RGPD2: variants seen among roughly 807,000 people sequenced by gnomAD.
The protein encoded by RGPD2 is RANBP2 like and GRIP domain containing 2, also known as RANBP2-like and GRIP domain-containing protein 2.
RGPD2 carries 2 observed loss-of-function variants against 36.0 expected under a neutral mutation model. The observed-to-expected ratio is 0.06, with a 90% CI of 0.02 to 0.17. RGPD2 has a LOEUF of 0.17. Ranked by LOEUF, RGPD2 falls within the 10% of genes least tolerant of loss-of-function variation. RGPD2 has a pLI of 1.00. For synonymous variants in RGPD2, 19 were observed against 163.8 expected (o/e 0.12, Z 6.75); for missense variants, 40 against 464.3 (o/e 0.09, Z 8.40).
At chr2:87,964,678 G>A in the RGPD2 span, among the ~76,000 whole-genome samples, 5 of 149,908 alleles carry the variant, frequency 3.3e-5, no homozygotes, top group African/African-American at 1.2e-4. Flanking sequence ...AGTAATGACT[G>A]AATGAAGTTA....
chr2:87,966,555 A>C, the RGPD2 span, among the ~76,000 whole-genome samples: 6 of 151,698 alleles, frequency 4.0e-5, no homozygotes, highest in African/African-American at 1.5e-4. Flanking sequence ...CTTTTGTGAC[A>C]AAAGCAGAAA....
the RGPD2 span, among the ~76,000 whole-genome samples, chr2:87,948,760 G>GT: frequency 8.7e-6 from 1 of 114,794 alleles, no homozygotes; most frequent in Non-Finnish European, 1.8e-5. Flanking sequence ...TGCTTGTTGG[G>GT]TATCTGCCCT....
At chr2:87,962,590 C>A in the RGPD2 span, among the ~76,000 whole-genome samples, 1 of 151,116 alleles carries the variant, frequency 6.6e-6, no homozygotes, top group East Asian at 2.0e-4. Flanking sequence ...TAGTTGATTT[C>A]TTTCACTTGA....
chr2:87,826,236 T>A (rs1440221795), upstream of RGPD2, among the ~76,000 whole-genome samples: 1 of 151,796 alleles, frequency 6.6e-6, no homozygotes, highest in Non-Finnish European at 1.5e-5. Context: ...CAAATGGAAA[T>A]CTGATTCTAA....
At chr2:87,824,772 G>C (rs1686581048) in intron 1 of RGPD2, among the ~76,000 whole-genome samples, 4 of 67,362 alleles carry the variant, frequency 5.9e-5, no homozygotes, top group African/African-American at 1.1e-4. Flanking sequence ...CCGCCGCCCG[G>C]CCAGGCCGAG....
At chr2:87,965,647 G>T in the RGPD2 span, among the ~76,000 whole-genome samples, 1 of 146,452 alleles carries the variant, frequency 6.8e-6, no homozygotes. Flanking sequence ...ACTTATATTT[G>T]CCTCATTAGA....
chr2:87,886,465 C>T, the RGPD2 span, among the ~76,000 whole-genome samples: 142 of 151,778 alleles, frequency 9.4e-4, no homozygotes, highest in African/African-American at 3.1e-3. Context: ...TGTGCACTTA[C>T]GTTAAGTGAC....
the RGPD2 span, among the ~76,000 whole-genome samples, chr2:87,971,805 AAAC>A: frequency 2.6e-5 from 4 of 152,186 alleles, no homozygotes; most frequent in African/African-American, 9.7e-5. Flanking sequence ...AAGAAAAACA[AAAC>A]AAATATAAAA....
the RGPD2 span, among the ~76,000 whole-genome samples, chr2:87,963,033 CTT>C: frequency 2.1e-5 from 3 of 141,638 alleles, no homozygotes; most frequent in Non-Finnish European, 3.1e-5. Flanking sequence ...ACCAGAATTG[CTT>C]GAACGTGGGA....
intron 4 of RGPD2, among the ~76,000 whole-genome samples, chr2:87,813,575 ACTAC>A (rs1686192608): frequency 8.5e-6 from 1 of 118,168 alleles, no homozygotes; most frequent in African/African-American, 3.2e-5. Flanking sequence ...GCCGTCCATT[ACTAC>A]TCTGTATTTC....
the RGPD2 span, among the ~76,000 whole-genome samples, chr2:87,929,087 C>T: frequency 6.6e-6 from 1 of 151,870 alleles, no homozygotes; most frequent in African/African-American, 2.4e-5. Flanking sequence ...GCTTTTGTTG[C>T]AATAGGTTTT....
chr2:87,822,596 TA>T (rs1377568281), intron 1 of RGPD2, among the ~76,000 whole-genome samples: 1 of 50,694 alleles, frequency 2.0e-5, no homozygotes. Flanking sequence ...CCATCTCTAC[TA>T]AAAATAGAAA....
chr2:87,830,987 C>T, the RGPD2 span, among the ~76,000 whole-genome samples: 10 of 152,210 alleles, frequency 6.6e-5, no homozygotes, highest in East Asian at 1.4e-3. Flanking sequence ...AACATAGTTG[C>T]GTTACCACAC....
chr2:87,842,681 G>T, the RGPD2 span, among the ~76,000 whole-genome samples: 1 of 150,986 alleles, frequency 6.6e-6, no homozygotes, highest in Non-Finnish European at 1.5e-5. Flanking sequence ...AGCTACCAAT[G>T]ACTTTCTTCA....
At chr2:87,948,473 C>T in the RGPD2 span, among the ~76,000 whole-genome samples, 1 of 151,354 alleles carries the variant, frequency 6.6e-6, no homozygotes, top group Non-Finnish European at 1.5e-5. Context: ...ACTCCGCCTC[C>T]TGGGTTCAAA....
chr2:87,857,009 T>C, the RGPD2 span, among the ~76,000 whole-genome samples: 1 of 152,226 alleles, frequency 6.6e-6, no homozygotes, highest in African/African-American at 2.4e-5. Context: ...TCTTTTTGCT[T>C]GTCATTATCC....
the RGPD2 span, among the ~76,000 whole-genome samples, chr2:87,973,661 C>T: frequency 7.8e-6 from 1 of 127,944 alleles, no homozygotes; most frequent in South Asian, 2.7e-4. Flanking sequence ...TACACAGGAG[C>T]CTTTGATCTC....
At chr2:87,963,773 C>T in the RGPD2 span, among the ~76,000 whole-genome samples, 2 of 125,044 alleles carry the variant, frequency 1.6e-5, no homozygotes, top group African/African-American at 6.8e-5. Flanking sequence ...ATCATTAATT[C>T]ATTTATGCTG....
the RGPD2 span, among the ~76,000 whole-genome samples, chr2:87,861,457 A>G: frequency 6.6e-6 from 1 of 151,960 alleles, no homozygotes; most frequent in African/African-American, 2.4e-5. Context: ...TGAACCACCA[A>G]TTTTGTATTT....
Sources: gnomAD v4.1 joint callset for allele counts (sites outside exome capture counted in the v4.1 genomes callset) on GRCh38, gnomAD v4.1.1 for gene constraint, MANE v1.5 for transcripts, NCBI Gene and HGNC (gene_info 2026-07-23, HGNC 2026-07-21) for gene names.